Variants in LARGE1 observed in about 807,000 individuals in gnomAD.
LARGE1 encodes the protein LARGE xylosyl- and glucuronyltransferase 1, also known as xylosyl- and glucuronyltransferase LARGE1.
Under a neutral mutation model 87.6 loss-of-function variants are expected in LARGE1, and 43 were observed. The ratio of observed to expected loss-of-function variants is 0.49; its 90% CI spans 0.38 to 0.63. The LOEUF is 0.63. LARGE1 is among the 30% of genes least tolerant of loss of function. The pLI is 0.00. For synonymous variants in LARGE1, 434 were observed against 394.6 expected (o/e 1.10, Z -1.18); for missense variants, 802 against 1,000.2 (o/e 0.80, Z 2.67).
chr22:33,716,266 T>C lies in LARGE1; in HGVS notation c.106+45105A>G, dbSNP rs540752261. The stretch of plus-strand genomic sequence containing the variant: ...AACATATGCCCTGCAATATTTAGGA[T>C]ATATTTATACTAAAAAAATTGGCCA... On this transcript the variant is annotated intron_variant, in intron 2 of 14. Transcript: ENST00000397394. Among the ~76,000 whole-genome samples the C allele has an allele frequency of 1.4e-4, 22 of 152,320 alleles. 1 individual carries two copies. In the South Asian group the frequency reaches 3.9e-3, roughly 27 times the overall value.
intron 2 of LARGE1, among the ~76,000 whole-genome samples, chr22:33,693,895 T>C (rs1361851443): frequency 1.3e-5 from 2 of 151,774 alleles, no homozygotes; most frequent in African/African-American, 4.8e-5. Flanking sequence ...CGCTGTAGGG[T>C]GTGCCTGTGT....
chr22:33,249,977 C>T (rs1012819997), intron 11 of LARGE1, among the ~76,000 whole-genome samples: 1 of 152,100 alleles, frequency 6.6e-6, no homozygotes, highest in Admixed American at 6.5e-5. Context: ...GTCAGTCTTC[C>T]AACTTCATTT....
intron 5 of LARGE1, among the ~76,000 whole-genome samples, chr22:33,590,045 T>C (rs2078790861): frequency 6.6e-6 from 1 of 152,208 alleles, no homozygotes; most frequent in Admixed American, 6.5e-5. Context: ...TATTATGTTT[T>C]AAAAATCATT....
At chr22:33,724,736 AATT>A (rs1281529748) in intron 2 of LARGE1, 5 of 152,226 alleles carry the variant, frequency 3.3e-5, no homozygotes, top group African/African-American at 1.2e-4. Flanking sequence ...TTCATTCGGC[AATT>A]ATTACTGAGT....
At chr22:33,471,527 A>T (rs2068841283) in intron 6 of LARGE1, among the ~76,000 whole-genome samples, 1 of 152,020 alleles carries the variant, frequency 6.6e-6, no homozygotes, top group African/African-American at 2.4e-5. Flanking sequence ...CTCATCATGA[A>T]TTTTTTTGTA....
chr22:33,076,787 G>A, the LARGE1 span, among the ~76,000 whole-genome samples: 10 of 152,156 alleles, frequency 6.6e-5, no homozygotes, highest in Non-Finnish European at 1.5e-4. Flanking sequence ...TAACTTTTTT[G>A]AGAGACTCTT....
intron 11 of LARGE1, among the ~76,000 whole-genome samples, chr22:33,209,723 G>A (rs752170143): frequency 5.9e-5 from 9 of 152,162 alleles, no homozygotes; most frequent in Non-Finnish European, 1.0e-4. Context: ...ACAGCTCACT[G>A]CAGCCTCGAC....
intron 1 of LARGE1, among the ~76,000 whole-genome samples, chr22:33,826,567 T>C (rs2062791660): frequency 6.6e-6 from 1 of 151,994 alleles, no homozygotes; most frequent in Non-Finnish European, 1.5e-5. Flanking sequence ...GGTCTCAAAC[T>C]CCTGACGTTG....
intron 1 of LARGE1, among the ~76,000 whole-genome samples, chr22:33,767,941 G>A (rs1477565762): frequency 7.9e-5 from 12 of 152,238 alleles, no homozygotes; most frequent in Admixed American, 6.5e-4. Context: ...CTCGTCTTCA[G>A]TGAACCTTTC....
chr22:33,605,746 T>G (rs1165266797), intron 4 of LARGE1, among the ~76,000 whole-genome samples: 1 of 152,036 alleles, frequency 6.6e-6, no homozygotes. Flanking sequence ...AATACAAAGA[T>G]GAGAATGACC....
intron 2 of LARGE1, among the ~76,000 whole-genome samples, chr22:33,684,995 C>A (rs2081903596): frequency 6.6e-6 from 1 of 152,198 alleles, no homozygotes; most frequent in Non-Finnish European, 1.5e-5. Context: ...AGCCACCAAG[C>A]ACAGACCAAT....
chr22:33,796,924 T>C (rs898078502), intron 1 of LARGE1, among the ~76,000 whole-genome samples: 2 of 151,870 alleles, frequency 1.3e-5, no homozygotes, highest in African/African-American at 4.8e-5. Flanking sequence ...ACCACCACAC[T>C]TGGCTAATTT....
At chr22:33,120,178 A>AT in the LARGE1 span, among the ~76,000 whole-genome samples, 1 of 152,062 alleles carries the variant, frequency 6.6e-6, no homozygotes, top group Non-Finnish European at 1.5e-5. Flanking sequence ...AAGTCTATAT[A>AT]TATGTATATA....
At chr22:33,759,902 T>C (rs539718745) in intron 2 of LARGE1, among the ~76,000 whole-genome samples, 2 of 152,156 alleles carry the variant, frequency 1.3e-5, no homozygotes, top group Non-Finnish European at 2.9e-5. Context: ...TTCTGACTGT[T>C]CCAGGGATGC....
chr22:33,430,429 C>T (rs1435314882), intron 7 of LARGE1, among the ~76,000 whole-genome samples: 1 of 152,156 alleles, frequency 6.6e-6, no homozygotes, highest in Non-Finnish European at 1.5e-5. Context: ...CAACCTGGCC[C>T]CTCTCAGGAA....
At chr22:33,473,626 G>A (rs1217622573) in intron 6 of LARGE1, among the ~76,000 whole-genome samples, 4 of 152,082 alleles carry the variant, frequency 2.6e-5, no homozygotes, top group Non-Finnish European at 5.9e-5. Flanking sequence ...TGTATTTTTA[G>A]TAGAGGTGGG....
intron 6 of LARGE1, among the ~76,000 whole-genome samples, chr22:33,498,020 T>C (rs1011868506): frequency 3.9e-5 from 6 of 152,130 alleles, no homozygotes; most frequent in African/African-American, 1.2e-4. Flanking sequence ...GTAGCTGTGA[T>C]TACAGACGTG....
chr22:33,139,389 T>C, the LARGE1 span, among the ~76,000 whole-genome samples: 250 of 152,270 alleles, frequency 1.6e-3, no homozygotes, highest in African/African-American at 5.8e-3. Context: ...CTCCCTACTC[T>C]CTTTCCTCTC....
intron 11 of LARGE1, among the ~76,000 whole-genome samples, chr22:33,200,920 A>C (rs555385878): frequency 1.3e-5 from 2 of 152,330 alleles, no homozygotes; most frequent in South Asian, 2.1e-4. Flanking sequence ...TATCCTAAAA[A>C]ATCACTGAAT....
Sources: gnomAD v4.1 joint callset for allele counts (sites outside exome capture counted in the v4.1 genomes callset) on GRCh38, gnomAD v4.1.1 for gene constraint, MANE v1.5 for transcripts, NCBI Gene and HGNC (gene_info 2026-07-23, HGNC 2026-07-21) for gene names.